COG6: variants seen among roughly 807,000 people sequenced by gnomAD.
COG6 encodes the protein component of oligomeric golgi complex 6.
A neutral mutation model predicts 88.8 loss-of-function variants in COG6; 74 were observed. The observed-to-expected ratio is 0.83, with a 90% CI of 0.69 to 1.01. The LOEUF (loss-of-function observed/expected upper bound fraction) is 1.01. Ranked by LOEUF, COG6 falls within the 50% of genes least tolerant of loss-of-function variation. COG6 has a pLI of 0.00. For synonymous variants in COG6, 286 were observed against 278.7 expected, an observed-to-expected ratio of 1.03 and a Z score of -0.26; for missense variants, 800 against 797.9, an observed-to-expected ratio of 1.00 and a Z score of -0.03.
chr13:39,773,037 G>C (rs376961670), intron 18 of COG6, among the ~76,000 whole-genome samples: 1 of 152,160 alleles, frequency 6.6e-6, no homozygotes, highest in Admixed American at 6.5e-5. Flanking sequence ...TTTATTAGTC[G>C]AGAATCGGAA....
chr13:39,760,423 A>G (rs1331667101), intron 18 of COG6, among the ~76,000 whole-genome samples: 4 of 152,146 alleles, frequency 2.6e-5, no homozygotes, highest in Non-Finnish European at 5.9e-5. Flanking sequence ...TCTTTTACAG[A>G]CAAAGATATA....
chr13:39,656,356 G>C, intron 1 of COG6: 1 of 350,040 alleles, frequency 2.9e-6, no homozygotes, highest in South Asian at 2.2e-5. Flanking sequence ...GACAACAATT[G>C]CAATAATTTG....
At chr13:39,694,593 C>A in intron 11 of COG6, 41 bp from the exon 12 acceptor site, 1 of 1,257,278 alleles carries the variant, frequency 8.0e-7, no homozygotes, top group Non-Finnish European at 1.2e-6. Flanking sequence ...AAAAGTTATA[C>A]TTTTAAGAAA....
chr13:39,773,227 T>C (rs1881368004), intron 18 of COG6, among the ~76,000 whole-genome samples: 1 of 152,144 alleles, frequency 6.6e-6, no homozygotes, highest in Non-Finnish European at 1.5e-5. Flanking sequence ...TGCAGGTCAT[T>C]TGGGATATTT....
intron 13 of COG6, among the ~76,000 whole-genome samples, chr13:39,709,475 T>C (rs1360236146): frequency 1.4e-5 from 2 of 144,000 alleles, no homozygotes; most frequent in Non-Finnish European, 3.0e-5. Flanking sequence ...GAGTCTCCAT[T>C]GTCTATTATT....
At chr13:39,699,379 C>T in intron 12 of COG6, 122 bp from the exon 13 acceptor site, 1 of 576,412 alleles carries the variant, frequency 1.7e-6, no homozygotes, top group Non-Finnish European at 3.1e-6. Context: ...TTTTAATTCA[C>T]AGGTTATATT....
At chr13:39,672,412 G>A (rs894715567) in intron 4 of COG6, among the ~76,000 whole-genome samples, 1 of 151,922 alleles carries the variant, frequency 6.6e-6, no homozygotes, top group African/African-American at 2.4e-5. Context: ...GAAAACTCCT[G>A]ACCATTAGTA....
intron 3 of COG6, among the ~76,000 whole-genome samples, chr13:39,661,219 C>T (rs1216575028): frequency 6.6e-6 from 1 of 152,076 alleles, no homozygotes; most frequent in Non-Finnish European, 1.5e-5. Context: ...CACACTAAAG[C>T]TGTGCCTGAT....
chr13:39,785,424 G>C (rs905220656), intron 18 of COG6: 11 of 152,156 alleles, frequency 7.2e-5, no homozygotes, highest in Non-Finnish European at 1.3e-4. Flanking sequence ...TTTCTAGCCA[G>C]TCAAATTTAG....
Position 39,727,504 on chromosome 13 carries a change from C to T in COG6, c.1782C>T (p.Asn594=). The T allele has an allele frequency of 6.2e-7, 1 of 1,613,382 alleles. No individual in the cohort carries two copies. Among genetic ancestry groups the T allele is most frequent in the Non-Finnish European group, 8.5e-7 (1 of 1,179,502 alleles). ...QFDRYLSAPD[N]LLIPQLNFLL... ...ATCGTTATCTGTCAGCCCCAGACAACCTATTGATACCACAGCTGAACTTTC... is the reference window on the plus strand; with the variant it reads ...ATCGTTATCTGTCAGCCCCAGACAATCTATTGATACCACAGCTGAACTTTC... The change falls in exon 18 of 19, where the codon AAC becomes AAT. Residue 594 remains asparagine (N), a synonymous_variant. Transcript: ENST00000455146.
chr13:39,752,644 A>G (rs1157365467), downstream of COG6: 1 of 1,258,686 alleles, frequency 7.9e-7, no homozygotes, highest in Non-Finnish European at 1.0e-6. Context: ...AGCAGCAATT[A>G]TTGCAGCTGT....
In COG6 at chr13:39,680,388, T is replaced by C. The variant is rs75412418; in HGVS notation, c.694+343T>C. Among the ~76,000 whole-genome samples the C allele has an allele frequency of 3.1e-3, 472 of 152,328 alleles. 8 individuals carry two copies. The highest frequency in any genetic ancestry group is 0.028 in the East Asian group (144 of 5,188). ...TGCCCTAGATTATTTTAAAGCAGAT[T>C]AGGTATCTCTTGTTGTTTACATAAC... On this transcript the variant is annotated intron_variant, in intron 7 of 18. Coordinates refer to ENST00000455146, the MANE Select transcript of COG6 (RefSeq NM_020751.3).
At chr13:39,716,153 A>G (rs1223813391) in intron 13 of COG6, among the ~76,000 whole-genome samples, 1 of 151,928 alleles carries the variant, frequency 6.6e-6, no homozygotes, top group Non-Finnish European at 1.5e-5. Flanking sequence ...TTTTGGCTTT[A>G]TGTGTTTTGG....
intron 18 of COG6, among the ~76,000 whole-genome samples, chr13:39,730,840 G>C (rs1288374182): frequency 1.5e-5 from 2 of 129,732 alleles, no homozygotes; most frequent in Non-Finnish European, 3.2e-5. Flanking sequence ...TTATTTTTTT[G>C]AGACAGAGTC....
chr13:39,744,156 A>T (rs9548912), intron 18 of COG6, among the ~76,000 whole-genome samples: 5 of 151,904 alleles, frequency 3.3e-5, no homozygotes, highest in Non-Finnish European at 7.4e-5. Flanking sequence ...CATACTGAAC[A>T]GGCAAAAACT....
chr13:39,788,297 C>G (rs1211626632), intron 18 of COG6: 6 of 1,550,852 alleles, frequency 3.9e-6, no homozygotes, highest in Non-Finnish European at 5.2e-6. Context: ...ACTGCACCAT[C>G]AGCAACATTG....
intron 18 of COG6, among the ~76,000 whole-genome samples, chr13:39,732,017 GTTC>G (rs1879478911): frequency 6.6e-6 from 1 of 152,148 alleles, no homozygotes; most frequent in South Asian, 2.1e-4. Context: ...GCAATTTGCT[GTTC>G]TTCTGCCTTT....
chr13:39,763,637 G>A (rs758190049), intron 18 of COG6, among the ~76,000 whole-genome samples: 34 of 151,598 alleles, frequency 2.2e-4, no homozygotes, highest in Non-Finnish European at 4.6e-4. Context: ...ACAACTGTTG[G>A]GAATGTGGTT....
At chr13:39,706,743 G>C (rs1451288131) in intron 13 of COG6, among the ~76,000 whole-genome samples, 1 of 152,072 alleles carries the variant, frequency 6.6e-6, no homozygotes, top group East Asian at 1.9e-4. Flanking sequence ...GAGTTCAGTG[G>C]TGTGATCTCG....
Sources: gnomAD v4.1 joint callset for allele counts (sites outside exome capture counted in the v4.1 genomes callset) on GRCh38, gnomAD v4.1.1 for gene constraint, MANE v1.5 for transcripts, NCBI Gene and HGNC (gene_info 2026-07-23, HGNC 2026-07-21) for gene names.